DLGAP5: variants seen among roughly 807,000 people sequenced by gnomAD.
DLGAP5 encodes DLG associated protein 5.
Under a neutral mutation model 99.6 loss-of-function variants are expected in DLGAP5, and 90 were observed. The ratio of observed to expected loss-of-function variants is 0.90; its 90% confidence interval spans 0.76 to 1.08. DLGAP5 has a LOEUF of 1.08. DLGAP5 is among the 50% of genes least tolerant of loss of function. The probability of loss-of-function intolerance (pLI) is 0.00; values close to 1 mark genes in which losing one functional copy is unlikely to be tolerated. For missense variants in DLGAP5, 1,036 were observed against 983.5 expected (o/e 1.05, Z -0.71); for synonymous variants, 311 against 321.3 (o/e 0.97, Z 0.34).
chr14:55,157,006 C>T (rs1374337749), intron 14 of DLGAP5, among the ~76,000 whole-genome samples: 1 of 152,080 alleles, frequency 6.6e-6, no homozygotes, highest in African/African-American at 2.4e-5. Context: ...AAAGATCAAA[C>T]CTTGTCAAGA....
At chr14:55,154,845 C>A (rs1452697370) in intron 14 of DLGAP5, 39 bp from the exon 15 acceptor site, 2 of 1,558,164 alleles carry the variant, frequency 1.3e-6, no homozygotes, top group Non-Finnish European at 8.8e-7. Context: ...CCAAATAGTT[C>A]TTTTGCTTTT....
At chr14:55,184,586 T>C (rs533935518) in intron 2 of DLGAP5, among the ~76,000 whole-genome samples, 137 of 152,178 alleles carry the variant, frequency 9.0e-4, no homozygotes, top group Non-Finnish European at 1.8e-3. Context: ...ACAGGAATAA[T>C]GGAATATGAC....
chr14:55,169,175 C>CAAAA lies in DLGAP5; in HGVS notation c.1548+220_1548+223dup, dbSNP rs34906311. Among the ~76,000 whole-genome samples the CAAAA allele has an allele frequency of 2.0e-4, 13 of 63,874 alleles. No homozygotes were observed. In the East Asian group the frequency reaches 2.4e-3, roughly 12 times the overall value. The allele number at this position is 63,874 out of a possible 152,430, so 41.9% of individuals were successfully genotyped here. On this transcript the variant is annotated intron_variant, in intron 12 of 18. Coordinates refer to ENST00000247191, the MANE Select transcript of DLGAP5 (RefSeq NM_014750.5). Reference sequence around the variant, plus strand: ...TGGGTGACAGAGTGAGACTCCGTCTCAAAAAAAAAAAAAAAAAAAAAATTA... The same window carrying CAAAA: ...TGGGTGACAGAGTGAGACTCCGTCTCAAAAAAAAAAAAAAAAAAAAAAAAAATTA...
At chr14:55,165,818 T>C (rs541634878) in intron 12 of DLGAP5, among the ~76,000 whole-genome samples, 15 of 152,320 alleles carry the variant, frequency 9.8e-5, no homozygotes, top group African/African-American at 3.4e-4. Flanking sequence ...CCCTGCCAAA[T>C]ATCTTATTGT....
chr14:55,154,502 G>T (rs767457584), intron 15 of DLGAP5, 115 bp downstream of exon 15: 17 of 838,730 alleles, frequency 2.0e-5, no homozygotes, highest in Non-Finnish European at 3.0e-5. Context: ...ATGTTGCAGG[G>T]TCATTATGAA....
intron 15 of DLGAP5, among the ~76,000 whole-genome samples, chr14:55,154,259 A>C (rs1047726837): frequency 2.0e-5 from 3 of 152,172 alleles, no homozygotes; most frequent in Admixed American, 2.0e-4. Context: ...GATGAAAGTG[A>C]AGCTAAAGAG....
In DLGAP5 at chr14:55,177,356, A is replaced by G; in HGVS notation, c.775-20T>C. 6.4e-7 allele frequency: 1 copy of G among 1,554,876 alleles called. No homozygotes were observed. Among genetic ancestry groups the G allele is most frequent in the Non-Finnish European group, 8.6e-7 (1 of 1,157,626 alleles). ...AATACCCTAGGATGTGAGTTAACAA[A>G]GTAGAGTAAGATTTCTCTCTTCTGA... On this transcript the variant is annotated intron_variant, in intron 7 of 18. Coordinates refer to ENST00000247191, the MANE Select transcript of DLGAP5 (RefSeq NM_014750.5).
Position 55,180,696 on chromosome 14 carries a change from T to C in DLGAP5, c.663A>G (p.Ser221=), listed in dbSNP as rs1163728133. 1 of 1,613,904 alleles carries C rather than the reference T, an allele frequency of 6.2e-7. No homozygotes were observed. ...TGACTGGCTTTCTTGCTGTGGTAGA[T>C]GAGACTGTTCTGGGAACCTGCTTTG... ...QAAKQVPRTV[S]STTARKPVTR... The change falls in exon 6 of 19, where the codon TCA becomes TCG. Residue 221 remains serine, a synonymous_variant. Transcript: ENST00000247191.
At chr14:55,157,909 T>C (rs1471614671) in intron 14 of DLGAP5, among the ~76,000 whole-genome samples, 1 of 152,210 alleles carries the variant, frequency 6.6e-6, no homozygotes, top group Non-Finnish European at 1.5e-5. Flanking sequence ...ACTACAGGCA[T>C]GTACTGCCAG....
intron 10 of DLGAP5, among the ~76,000 whole-genome samples, chr14:55,172,128 A>G (rs1882880227): frequency 6.6e-6 from 1 of 151,850 alleles, no homozygotes; most frequent in East Asian, 1.9e-4. Context: ...AGCCTCCCAA[A>G]GTGCTGGGAT....
At position 55,169,310 on chromosome 14, in the gene DLGAP5, A is replaced by T. The variant is rs977945373; in HGVS notation, c.1548+89T>A. On this transcript the variant is annotated intron_variant, in intron 12 of 18. Coordinates refer to ENST00000247191, the MANE Select transcript of DLGAP5 (RefSeq NM_014750.5). Reference sequence around the variant, plus strand: ...TATTTAATATTACAGGTACATAAGCAGCTACTATTACCCCATTTTACTCCT... The same window carrying T: ...TATTTAATATTACAGGTACATAAGCTGCTACTATTACCCCATTTTACTCCT... 3 of 838,638 alleles carry T rather than the reference A, an allele frequency of 3.6e-6. No homozygotes were observed. The African/African-American group carries it at 5.3e-5, about 15-fold the overall frequency. The allele number at this position is 838,638 out of a possible 1,614,324, so 51.9% of individuals were successfully genotyped here.
At chr14:55,185,714 C>T (rs1481119859) in intron 2 of DLGAP5, among the ~76,000 whole-genome samples, 1 of 152,034 alleles carries the variant, frequency 6.6e-6, no homozygotes. Context: ...GAACTCCTGA[C>T]CTCAGGTGAT....
intron 18 of DLGAP5, among the ~76,000 whole-genome samples, chr14:55,149,876 C>T (rs1437859337): frequency 2.0e-5 from 3 of 151,790 alleles, no homozygotes; most frequent in Non-Finnish European, 4.4e-5. Flanking sequence ...ATGGTGAAAC[C>T]CCGCATCTCT....
At chr14:55,183,877 G>C in intron 2 of DLGAP5, 124 bp from the exon 3 acceptor site, 1 of 999,034 alleles carries the variant, frequency 1.0e-6, no homozygotes, top group Non-Finnish European at 1.4e-6. Context: ...TTCAGGCCAG[G>C]CACGGTGGCT....
chr14:55,159,463 T>A (rs1025307344), intron 13 of DLGAP5, among the ~76,000 whole-genome samples: 1 of 152,144 alleles, frequency 6.6e-6, no homozygotes, highest in African/African-American at 2.4e-5. Context: ...TCAAGAGATA[T>A]TTGAAAGGTA....
rs1366832251 is a variant in DLGAP5 at position 55,168,233 on chromosome 14, T to C, written c.1548+1166A>G. On this transcript the variant is annotated intron_variant, in intron 12 of 18. Transcript: ENST00000247191. ...CTCCCAAAGTGCTAGGATTACAGGC[T>C]TGAGCCACTGTGCCTGGCTGAGATT... Among the ~76,000 whole-genome samples the C allele has an allele frequency of 2.0e-5, 3 of 152,270 alleles. No individual in the cohort carries two copies. In the East Asian group the frequency reaches 5.8e-4, roughly 29 times the overall value.
In DLGAP5 at chr14:55,154,843, T is replaced by G. The variant is rs78313577; in HGVS notation, c.1874-37A>C. The G allele has an allele frequency of 2.0e-3, 3,180 of 1,561,480 alleles. 68 individuals carry two copies. In the African/African-American group the frequency reaches 0.039, roughly 19 times the overall value. On this transcript the variant is annotated intron_variant, in intron 14 of 18. Transcript: ENST00000247191. ...GAGAAATCACCTCAATACCAAATAG[T>G]TCTTTTGCTTTTCATTATAACTAGG...
chr14:55,150,912 G>T, intron 17 of DLGAP5, 64 bp from the exon 18 acceptor site: 2 of 1,096,720 alleles, frequency 1.8e-6, no homozygotes, highest in Non-Finnish European at 2.6e-6. Flanking sequence ...GTTAGAAATG[G>T]ACAAAGCCAT....
Position 55,152,589 on chromosome 14 carries a change from C to G in DLGAP5, c.2121+1G>C. 1 of 1,599,990 alleles carries G rather than the reference C, an allele frequency of 6.3e-7. No homozygotes were observed. Among genetic ancestry groups the G allele is most frequent in the Non-Finnish European group, 8.5e-7 (1 of 1,173,698 alleles). ...TCTAACCACACTGGAATTGTACTTA[C>G]ATGATTTTCTTCAATTAAATCTGGT... On this transcript the variant is annotated splice_donor_variant, in intron 16 of 18. Transcript: ENST00000247191. LOFTEE classifies it high-confidence loss of function.
Sources: gnomAD v4.1 joint callset for allele counts (sites outside exome capture counted in the v4.1 genomes callset) on GRCh38, gnomAD v4.1.1 for gene constraint, MANE v1.5 for transcripts, NCBI Gene and HGNC (gene_info 2026-07-23, HGNC 2026-07-21) for gene names.